The following F8 variants were observed in gnomAD, a reference collection of about 807,000 sequenced individuals.
The protein encoded by F8 is coagulation factor VIII.
A neutral mutation model predicts 140.6 loss-of-function variants in F8; 12 were observed. The observed-to-expected ratio is 0.09, with a 90% CI of 0.05 to 0.14. The LOEUF is 0.14. Among genes scored for constraint, F8 ranks in the 10% least tolerant of loss-of-function variants. The pLI is 1.00. For missense variants in F8, 1,354 were observed against 1,720.7 expected (o/e 0.79, Z 3.77); for synonymous variants, 585 against 614.6 (o/e 0.95, Z 0.71).
At position 154,969,356 on chromosome X, in the gene F8, A is replaced by G. The variant is rs782668199; in HGVS notation, c.984T>C (p.Phe328=). The G allele has an allele frequency of 8.3e-7, 1 of 1,211,017 alleles. No individual in the cohort carries two copies. Among genetic ancestry groups the G allele is most frequent in the South Asian group, 1.8e-5 (1 of 56,953 alleles). The change falls in exon 7 of 26, where the codon TTT becomes TTC. Residue 328 remains phenylalanine, a synonymous_variant. Coordinates refer to ENST00000360256, the MANE Select transcript of F8 (RefSeq NM_000132.4). ...LLMDLGQFLL[F]CHISSHQHDG... is the part of the protein sequence containing the mutation. ...CATGTTGGTGGGAAGAGATATGACA[A>G]AACAGTAGAAACTGTCCAAGGTCCA...
intron 25 of F8, among the ~76,000 whole-genome samples, chrX:154,851,945 G>A (rs2072618149): frequency 8.9e-6 from 1 of 112,163 alleles, no homozygotes; most frequent in Non-Finnish European, 1.9e-5. Context: ...TAGAGTTGTT[G>A]CTTGTGATTG....
intron 25 of F8, among the ~76,000 whole-genome samples, chrX:154,853,844 G>A (rs1359852317): frequency 9.0e-6 from 1 of 111,540 alleles, no homozygotes; most frequent in African/African-American, 3.3e-5. Context: ...TTGTTGATGG[G>A]GAGGCTGGAG....
intron 2 of F8, among the ~76,000 whole-genome samples, chrX:154,998,717 TAAGAC>T (rs1361822940): frequency 8.9e-6 from 1 of 112,123 alleles, no homozygotes; most frequent in Non-Finnish European, 1.9e-5. Context: ...AGAGTCTTTG[TAAGAC>T]AAGTCCCATT....
At chrX:155,013,604 T>C (rs1319724445) in intron 1 of F8, among the ~76,000 whole-genome samples, 1 of 111,903 alleles carries the variant, frequency 8.9e-6, no homozygotes, top group Non-Finnish European at 1.9e-5. Flanking sequence ...CACAGCCAAA[T>C]ATCCATCATG....
chrX:154,867,421 C>A (rs781911785), intron 22 of F8, among the ~76,000 whole-genome samples: 1 of 110,924 alleles, frequency 9.0e-6, no homozygotes, highest in Non-Finnish European at 1.9e-5. Flanking sequence ...TGTGGTGGCT[C>A]AAGCCTGTAA....
chrX:154,979,014 T>C (rs1306252052), intron 6 of F8, among the ~76,000 whole-genome samples: 5 of 111,417 alleles, frequency 4.5e-5, no homozygotes, highest in Non-Finnish European at 9.4e-5. Flanking sequence ...TGTACCATGG[T>C]GGCATATGAT....
At chrX:154,934,055 G>A (rs1236928686) in intron 13 of F8, among the ~76,000 whole-genome samples, 3 of 111,451 alleles carry the variant, frequency 2.7e-5, no homozygotes, top group Non-Finnish European at 5.7e-5. Flanking sequence ...TTCAAAAGAT[G>A]ACCAGTTTTT....
chrX:154,874,712 G>A lies in F8; in HGVS notation c.6430-11485C>T, dbSNP rs57799073. Among the ~76,000 whole-genome samples the A allele has an allele frequency of 4.4e-3, 496 of 112,234 alleles. 2 individuals are homozygous for A. Among genetic ancestry groups the A allele is most frequent in the African/African-American group, 0.015 (471 of 30,923 alleles). Reference sequence around the variant, plus strand: ...AAAAGACAAAAGATGACAAATGTTGGTGGTAATGTGGAGAAAAGGAAACCT... The same window carrying A: ...AAAAGACAAAAGATGACAAATGTTGATGGTAATGTGGAGAAAAGGAAACCT... On this transcript the variant is annotated intron_variant, in intron 22 of 25. Transcript: ENST00000360256.
chrX:154,850,441 CT>C (rs1159681314), intron 25 of F8, among the ~76,000 whole-genome samples: 47 of 99,891 alleles, frequency 4.7e-4, no homozygotes, highest in East Asian at 6.3e-4. Context: ...AGGCTTGGTT[CT>C]TTTTTTTTTT....
chrX:154,928,795 A>G lies in F8; in HGVS notation c.4995T>C (p.His1665=). 8.3e-7 allele frequency: 1 copy of G among 1,211,514 alleles called. No individual in the cohort carries two copies. The highest frequency in any genetic ancestry group is 1.1e-6 in the Non-Finnish European group (1 of 895,376). ...GAGTAGTACGAGTTATTTCCCGTTG[A>G]TGGCGTTTCAAGACTGGTGGGTTTT... ...CSQNPPVLKR[H]QREITRTTLQ... The change falls in exon 14 of 26, where the codon CAT becomes CAC. Residue 1665 remains histidine (H), a synonymous_variant. Coordinates refer to ENST00000360256, the MANE Select transcript of F8 (RefSeq NM_000132.4).
intron 14 of F8, among the ~76,000 whole-genome samples, chrX:154,912,507 C>T (rs2073073886): frequency 8.9e-6 from 1 of 112,288 alleles, no homozygotes; most frequent in African/African-American, 3.2e-5. Context: ...AATGAGTTGG[C>T]TCTAAATGTG....
chrX:154,920,388 A>G (rs782553204), intron 14 of F8, among the ~76,000 whole-genome samples: 1 of 111,228 alleles, frequency 9.0e-6, no homozygotes, highest in South Asian at 3.8e-4. Context: ...AGGCTATTTT[A>G]AACTGATAAC....
At chrX:154,897,187 C>A (rs955629500) in intron 21 of F8, among the ~76,000 whole-genome samples, 5 of 112,421 alleles carry the variant, frequency 4.4e-5, no homozygotes, top group Middle Eastern at 4.6e-3. Context: ...AAGAAGAGGT[C>A]ATGGGCTGCA....
At chrX:154,838,531 C>G (rs1343824258) in intron 25 of F8, among the ~76,000 whole-genome samples, 1 of 111,845 alleles carries the variant, frequency 8.9e-6, no homozygotes, top group Non-Finnish European at 1.9e-5. Flanking sequence ...ATAATGCATG[C>G]TCTTGCAAGG....
At chrX:155,000,128 G>T (rs1557285475) in intron 1 of F8, among the ~76,000 whole-genome samples, 1 of 112,168 alleles carries the variant, frequency 8.9e-6, no homozygotes, top group East Asian at 2.8e-4. Flanking sequence ...TACTGAATCA[G>T]AAATTATATA....
At chrX:154,968,946 C>CAA (rs781844406) in intron 7 of F8, among the ~76,000 whole-genome samples, 1 of 98,017 alleles carries the variant, frequency 1.0e-5, no homozygotes, top group African/African-American at 3.7e-5. Context: ...TAGATTTCTC[C>CAA]AAAAAAAAAA....
chrX:154,860,674 C>T, intron 24 of F8, 66 bp from the exon 25 acceptor site: 2 of 1,033,350 alleles, frequency 1.9e-6, no homozygotes, highest in Admixed American at 4.4e-5. Flanking sequence ...TTCCCAAATC[C>T]CTCTTAACCA....
intron 6 of F8, among the ~76,000 whole-genome samples, chrX:154,977,066 C>CT (rs1557283068): frequency 9.0e-6 from 1 of 110,819 alleles, no homozygotes; most frequent in Non-Finnish European, 1.9e-5. Context: ...AAAATTTTTG[C>CT]TTTGTAATTA....
intron 25 of F8, among the ~76,000 whole-genome samples, chrX:154,853,990 T>C (rs1262686255): frequency 3.6e-5 from 4 of 111,865 alleles, no homozygotes; most frequent in Non-Finnish European, 7.5e-5. Context: ...ATACTCACAA[T>C]ATTGTGCACC....
Sources: gnomAD v4.1 joint callset for allele counts (sites outside exome capture counted in the v4.1 genomes callset) on GRCh38, gnomAD v4.1.1 for gene constraint, MANE v1.5 for transcripts, NCBI Gene and HGNC (gene_info 2026-07-23, HGNC 2026-07-21) for gene names.